Variants in CAPN13 observed in about 807,000 individuals in gnomAD.
CAPN13 encodes the protein calpain 13.
A neutral mutation model predicts 98.4 loss-of-function variants in CAPN13; 90 were observed. That is an observed-to-expected ratio of 0.92 (90% confidence interval 0.77 to 1.09). The LOEUF (loss-of-function observed/expected upper bound fraction) is 1.09. Ranked by LOEUF, CAPN13 falls within the 50% of genes least tolerant of loss-of-function variation. The pLI is 0.00. For synonymous variants in CAPN13, 330 were observed against 305.5 expected (o/e 1.08, Z -0.84); for missense variants, 887 against 841.3 (o/e 1.05, Z -0.67).
chr2:30,738,000 CACACA>C (rs1558612892), intron 17 of CAPN13: 24 of 561,276 alleles, frequency 4.3e-5, no homozygotes, highest in African/African-American at 5.7e-5. Flanking sequence ...CACACACACA[CACACA>C]CCCCAGTACA....
intron 5 of CAPN13, among the ~76,000 whole-genome samples, chr2:30,767,858 G>A (rs930916112): frequency 4.6e-5 from 7 of 152,138 alleles, no homozygotes; most frequent in Non-Finnish European, 7.3e-5. Flanking sequence ...GACTGCACTC[G>A]GCAAGGCTGC....
intron 11 of CAPN13, among the ~76,000 whole-genome samples, chr2:30,748,818 A>C (rs1672039849): frequency 6.6e-6 from 1 of 152,202 alleles, no homozygotes; most frequent in Non-Finnish European, 1.5e-5. Context: ...GCACCTCAAA[A>C]CTACTGTGCT....
At chr2:30,734,664 C>T in intron 18 of CAPN13, 140 bp from the exon 19 acceptor site, 1 of 696,660 alleles carries the variant, frequency 1.4e-6, no homozygotes, top group Non-Finnish European at 2.6e-6. Context: ...ACACAGTGGC[C>T]ACACCTGGTG....
At chr2:30,776,377 A>G (rs1463857256) in intron 3 of CAPN13, among the ~76,000 whole-genome samples, 1 of 152,018 alleles carries the variant, frequency 6.6e-6, no homozygotes, top group Non-Finnish European at 1.5e-5. Flanking sequence ...AAGCCCGGCT[A>G]ATTTTTTTTA....
intron 7 of CAPN13, among the ~76,000 whole-genome samples, chr2:30,759,491 T>G (rs1434992240): frequency 6.6e-6 from 1 of 152,204 alleles, no homozygotes; most frequent in East Asian, 1.9e-4. Flanking sequence ...TAATGTTGTC[T>G]GAGGAGACAG....
At chr2:30,799,761 C>G (rs1190791884) in intron 1 of CAPN13, among the ~76,000 whole-genome samples, 1 of 152,106 alleles carries the variant, frequency 6.6e-6, no homozygotes, top group African/African-American at 2.4e-5. Flanking sequence ...GGAAACCTCT[C>G]TCGTGTCTTC....
In CAPN13 at chr2:30,787,347, G is replaced by A. The variant is rs187564484; in HGVS notation, c.-22C>T. ...CCATGACTCTCCTTAGAAGACTTCC[G>A]AGGTCCTTTCCTGTTGGTGAGAAAA... On this transcript the variant is annotated 5_prime_UTR_variant, in exon 2 of 23. Transcript: ENST00000295055. The A allele has an allele frequency of 5.1e-4, 806 of 1,595,280 alleles. 4 individuals are homozygous for A. The highest frequency in any genetic ancestry group is 1.4e-3 in the South Asian group (124 of 87,302).
chr2:30,734,608 CTAAACCTCAG>C, intron 18 of CAPN13, 84 bp from the exon 19 acceptor site: 1 of 1,117,586 alleles, frequency 8.9e-7, no homozygotes, highest in African/African-American at 1.5e-5. Context: ...GCTTGCTTCC[CTAAACCTCAG>C]AGGAAGGCAC....
At position 30,743,506 on chromosome 2, in the gene CAPN13, A is replaced by C. The variant is rs200153872; in HGVS notation, c.1322T>G (p.Phe441Cys). The change falls in exon 13 of 23, where the codon TTC (phenylalanine) becomes TGC (cysteine). Residue 441 changes from phenylalanine (F) to cysteine (C), a missense_variant. By Grantham distance (205) the Phe-to-Cys change is radical. Coordinates refer to ENST00000295055, the MANE Select transcript of CAPN13 (RefSeq NM_144575.3). Reference protein sequence around the residue: ...RNTVQSSNNKFRRNFTMTYHL... With the variant: ...RNTVQSSNNKCRRNFTMTYHL... ...GTAAGTCATGGTGAAGTTGCGGCGGAATTTATTATTTGAGCTTTGGACAGT... is the reference window on the plus strand; with the variant it reads ...GTAAGTCATGGTGAAGTTGCGGCGGCATTTATTATTTGAGCTTTGGACAGT... The C allele has an allele frequency of 1.4e-4, 227 of 1,613,910 alleles. No homozygotes were observed. In the African/African-American group the frequency reaches 2.9e-3, roughly 21 times the overall value.
intron 22 of CAPN13, chr2:30,729,845 T>C (rs1381177857): frequency 2.0e-5 from 3 of 152,256 alleles, no homozygotes; most frequent in East Asian, 3.9e-4. Flanking sequence ...AACTGTATAC[T>C]TCGAAGGTAT....
chr2:30,785,240 G>C (rs149886578), intron 2 of CAPN13, among the ~76,000 whole-genome samples: 28 of 152,152 alleles, frequency 1.8e-4, no homozygotes, highest in African/African-American at 6.5e-4. Context: ...TTTAAATTCT[G>C]GATCCTTCCC....
At chr2:30,738,007 C>A (rs897241779) in intron 17 of CAPN13, 14 of 516,700 alleles carry the variant, frequency 2.7e-5, no homozygotes, top group Middle Eastern at 5.3e-4. Context: ...ACACACACAC[C>A]CCAGTACACT....
At chr2:30,764,058 G>A (rs1672982402) in intron 6 of CAPN13, 74 bp downstream of exon 6, 3 of 1,437,756 alleles carry the variant, frequency 2.1e-6, no homozygotes, top group Non-Finnish European at 2.8e-6. Context: ...CTCCTTAGCT[G>A]AATGGACCCC....
intron 6 of CAPN13, among the ~76,000 whole-genome samples, chr2:30,763,920 C>T (rs1672974502): frequency 6.6e-6 from 1 of 152,202 alleles, no homozygotes; most frequent in African/African-American, 2.4e-5. Context: ...CCTCTCTGAG[C>T]CCGCCTTTTC....
At chr2:30,792,399 T>A (rs1049646615) in intron 1 of CAPN13, among the ~76,000 whole-genome samples, 1 of 152,040 alleles carries the variant, frequency 6.6e-6, no homozygotes, top group Non-Finnish European at 1.5e-5. Flanking sequence ...CCTATAGACA[T>A]TAAAGGGCTA....
At chr2:30,754,422 A>T (rs1672333883) in intron 8 of CAPN13, 58 bp from the exon 9 acceptor site, 2 of 1,456,480 alleles carry the variant, frequency 1.4e-6, no homozygotes, top group Non-Finnish European at 1.9e-6. Context: ...TTTCTCAACC[A>T]TGTGTGGGTC....
chr2:30,768,803 T>C (rs1673238943), intron 5 of CAPN13, among the ~76,000 whole-genome samples: 2 of 152,076 alleles, frequency 1.3e-5, no homozygotes, highest in Non-Finnish European at 2.9e-5. Flanking sequence ...GAAATGAGAA[T>C]TGCTGGGCAC....
chr2:30,736,425 G>T, intron 18 of CAPN13, 78 bp downstream of exon 18: 1 of 1,390,356 alleles, frequency 7.2e-7, no homozygotes, highest in Non-Finnish European at 1.0e-6. Context: ...CCTGAACCCT[G>T]GTGCAGGGTT....
At chr2:30,738,181 G>A in intron 17 of CAPN13, 54 bp downstream of exon 17, 2 of 1,582,316 alleles carry the variant, frequency 1.3e-6, no homozygotes, top group Non-Finnish European at 8.7e-7. Context: ...CTCTGGGGAA[G>A]CCCACAGAGC....
Sources: gnomAD v4.1 joint callset for allele counts (sites outside exome capture counted in the v4.1 genomes callset) on GRCh38, gnomAD v4.1.1 for gene constraint, MANE v1.5 for transcripts, NCBI Gene and HGNC (gene_info 2026-07-23, HGNC 2026-07-21) for gene names.